XKR3: variants seen among roughly 807,000 people sequenced by gnomAD.
XKR3 encodes XK related 3, also known as XK-related protein 3.
XKR3 carries 27 observed loss-of-function variants against 40.3 expected under a neutral mutation model. The ratio of observed to expected loss-of-function variants is 0.67; its 90% CI spans 0.49 to 0.92. The LOEUF is 0.92. Among genes scored for constraint, XKR3 ranks in the 40% least tolerant of loss-of-function variants. The pLI is 0.00. For synonymous variants in XKR3, 193 were observed against 195.4 expected (o/e 0.99, Z 0.10); for missense variants, 472 against 537.6 (o/e 0.88, Z 1.21).
intron 2 of XKR3, among the ~76,000 whole-genome samples, chr22:16,803,834 C>A (rs1275683631): frequency 6.6e-6 from 1 of 152,178 alleles, no homozygotes; most frequent in Non-Finnish European, 1.5e-5. Flanking sequence ...TAAAAATGGG[C>A]AACCAGCAGC....
chr22:16,805,151 A>C (rs887330854), intron 2 of XKR3, among the ~76,000 whole-genome samples: 3 of 152,212 alleles, frequency 2.0e-5, no homozygotes, highest in African/African-American at 7.2e-5. Context: ...AACTACCTCT[A>C]TTCAAGATGA....
In XKR3 at chr22:16,807,919, A is replaced by G. The variant is rs761060584; in HGVS notation, c.155T>C (p.Leu52Ser). The change falls in exon 2 of 4, where the codon TTA (leucine) becomes TCA (serine). Residue 52 changes from leucine to serine, a missense_variant. By Grantham distance (145) the Leu-to-Ser change is moderately radical. Transcript: ENST00000684488. Reference sequence around the variant, plus strand: ...TTTTCGATAAATTTCAAACATGTATAAACCAAAGGCAACCTCACCACAGTA... The same window carrying G: ...TTTTCGATAAATTTCAAACATGTATGAACCAAAGGCAACCTCACCACAGTA... ...VLYCGEVAFG[L>S]YMFEIYRKAN... 9 of 1,613,952 alleles carry G rather than the reference A, an allele frequency of 5.6e-6. No individual in the cohort carries two copies. The African/African-American group carries it at 1.2e-4, about 22-fold the overall frequency.
At chr22:16,822,928 G>A (rs1477718385) in intron 1 of XKR3, among the ~76,000 whole-genome samples, 1 of 152,146 alleles carries the variant, frequency 6.6e-6, no homozygotes, top group Non-Finnish European at 1.5e-5. Context: ...TTGTCACCCA[G>A]GTTGGAGTGC....
At chr22:16,824,569 G>A (rs1220480087) in intron 1 of XKR3, among the ~76,000 whole-genome samples, 1 of 152,118 alleles carries the variant, frequency 6.6e-6, no homozygotes, top group Non-Finnish European at 1.5e-5. Flanking sequence ...AGAAGTAGGC[G>A]AGGGGTATAA....
At chr22:16,823,751 A>G (rs1466895409) in intron 1 of XKR3, among the ~76,000 whole-genome samples, 4 of 152,344 alleles carry the variant, frequency 2.6e-5, no homozygotes, top group African/African-American at 9.6e-5. Flanking sequence ...ATCAATAATA[A>G]TAAATCTGAC....
chr22:16,805,426 A>T (rs937315611), intron 2 of XKR3, among the ~76,000 whole-genome samples: 3 of 152,196 alleles, frequency 2.0e-5, no homozygotes, highest in African/African-American at 7.2e-5. Flanking sequence ...GAAGTTAAAG[A>T]CCTAAGTAAA....
intron 3 of XKR3, 125 bp from the exon 4 acceptor site, chr22:16,784,534 TATAAAA>T (rs2060081977): frequency 2.1e-6 from 2 of 938,080 alleles, no homozygotes; most frequent in South Asian, 1.8e-5. Flanking sequence ...ATCATTTACT[TATAAAA>T]AGAAAGGTTT....
In XKR3 at chr22:16,799,763, C is replaced by T; in HGVS notation, c.589+8G>A. On this transcript the variant is annotated splice_region_variant and intron_variant, in intron 3 of 3. Coordinates refer to ENST00000684488, the MANE Select transcript of XKR3 (RefSeq NM_001386955.1). ...GTGTGTCTTTCAGCATCAAGTAACT[C>T]AACTTACCTCTATTCAAAGGCCATT... is the stretch of plus-strand genomic sequence containing the variant. 6.2e-7 allele frequency: 1 copy of T among 1,613,354 alleles called. No homozygotes were observed. The highest frequency in any genetic ancestry group is 8.5e-7 in the Non-Finnish European group (1 of 1,179,682).
chr22:16,814,170 C>A (rs530957374), intron 1 of XKR3, among the ~76,000 whole-genome samples: 2 of 152,252 alleles, frequency 1.3e-5, no homozygotes, highest in East Asian at 3.9e-4. Context: ...TTGTGTTCAG[C>A]TCCTGAATTT....
intron 1 of XKR3, among the ~76,000 whole-genome samples, chr22:16,817,531 G>A (rs1447154604): frequency 2.0e-5 from 3 of 152,016 alleles, no homozygotes; most frequent in African/African-American, 7.2e-5. Context: ...TTCTATATTG[G>A]CTCAAATATT....
chr22:16,796,736 T>A (rs2060142690), intron 3 of XKR3, among the ~76,000 whole-genome samples: 1 of 152,310 alleles, frequency 6.6e-6, no homozygotes, highest in East Asian at 1.9e-4. Flanking sequence ...TCATACTGAA[T>A]GGGCAGAAGC....
chr22:16,821,072 TAA>T (rs998641822), intron 1 of XKR3, among the ~76,000 whole-genome samples: 1 of 152,162 alleles, frequency 6.6e-6, no homozygotes, highest in Non-Finnish European at 1.5e-5. Context: ...ATGTTAGAGT[TAA>T]GTCTTCAACT....
chr22:16,794,021 A>G (rs1289478896), intron 3 of XKR3, among the ~76,000 whole-genome samples: 2 of 152,356 alleles, frequency 1.3e-5, no homozygotes, highest in East Asian at 3.9e-4. Flanking sequence ...CAAAATGAAT[A>G]AAACATCCAA....
In XKR3 at chr22:16,812,182, A is replaced by G. The variant is rs139012168; in HGVS notation, c.-10-4099T>C. Among the ~76,000 whole-genome samples, 23 of 152,296 alleles carry G rather than the reference A, an allele frequency of 1.5e-4. 2 individuals are homozygous for G. Among genetic ancestry groups the G allele is most frequent in the African/African-American group, 5.3e-4 (22 of 41,564 alleles). On this transcript the variant is annotated intron_variant, in intron 1 of 3. Transcript: ENST00000684488. ...AAGCATGCTTTCATACTCAATGCCAAATTTGAGTTTAGCTCTCACTGTTTT... is the reference window on the plus strand; with the variant it reads ...AAGCATGCTTTCATACTCAATGCCAGATTTGAGTTTAGCTCTCACTGTTTT...
chr22:16,789,196 G>T (rs1487119309), intron 3 of XKR3, among the ~76,000 whole-genome samples: 1 of 151,958 alleles, frequency 6.6e-6, no homozygotes, highest in Non-Finnish European at 1.5e-5. Context: ...GAAAGAAAAG[G>T]TACCCAAATT....
Position 16,783,970 on chromosome 22 carries a change from A to G in XKR3, c.1029T>C (p.His343=). The part of the protein sequence containing the change: ...KIIDGRQRWG[H]RILHYSFQFL... ...ACTGAAAGCTGTAGTGTAGGATTCTATGGCCCCACCTCTGTCTCCCGTCAA... is the reference window on the plus strand; with the variant it reads ...ACTGAAAGCTGTAGTGTAGGATTCTGTGGCCCCACCTCTGTCTCCCGTCAA... The change falls in exon 4 of 4, where the codon CAT becomes CAC. Residue 343 remains histidine, a synonymous_variant. Coordinates refer to ENST00000684488, the MANE Select transcript of XKR3 (RefSeq NM_001386955.1). 1 of 1,614,232 alleles carries G rather than the reference A, an allele frequency of 6.2e-7. No homozygotes were observed. Among genetic ancestry groups the G allele is most frequent in the East Asian group, 2.2e-5 (1 of 44,882 alleles).
At chr22:16,787,894 A>G (rs2060097472) in intron 3 of XKR3, among the ~76,000 whole-genome samples, 1 of 152,150 alleles carries the variant, frequency 6.6e-6, no homozygotes, top group African/African-American at 2.4e-5. Context: ...GTACTAATAG[A>G]AAACTTCAGC....
At chr22:16,796,226 TA>T (rs747099807) in intron 3 of XKR3, among the ~76,000 whole-genome samples, 5 of 151,750 alleles carry the variant, frequency 3.3e-5, no homozygotes, top group South Asian at 4.2e-4. Context: ...ACCAATATTT[TA>T]AAAAAAAATC....
intron 3 of XKR3, among the ~76,000 whole-genome samples, chr22:16,791,778 GGAGAGAGAGAGAGAGAGA>G (rs763159994): frequency 8.1e-6 from 1 of 123,184 alleles, no homozygotes; most frequent in African/African-American, 3.1e-5. Context: ...GGAGAGAGAG[GGAGAGAGAGAGAGAGAGA>G]GAGAGAGAGA....
Sources: gnomAD v4.1 joint callset for allele counts (sites outside exome capture counted in the v4.1 genomes callset) on GRCh38, gnomAD v4.1.1 for gene constraint, MANE v1.5 for transcripts, NCBI Gene and HGNC (gene_info 2026-07-23, HGNC 2026-07-21) for gene names.